The following ATP8A1 variants were observed in gnomAD, a reference collection of about 807,000 sequenced individuals.
ATP8A1 encodes ATPase phospholipid transporting 8A1.
A neutral mutation model predicts 177.7 loss-of-function variants in ATP8A1; 90 were observed. That is an observed-to-expected ratio of 0.51 (90% CI 0.43 to 0.60). The LOEUF is 0.60. Among genes scored for constraint, ATP8A1 ranks in the 20% least tolerant of loss-of-function variants. The pLI, the probability that ATP8A1 is intolerant of heterozygous loss-of-function variation, is 0.00. For missense variants in ATP8A1, 1,072 were observed against 1,392.8 expected, an observed-to-expected ratio of 0.77 and a Z score of 3.67; for synonymous variants, 493 against 485.9, an observed-to-expected ratio of 1.01 and a Z score of -0.19.
intron 6 of ATP8A1, among the ~76,000 whole-genome samples, chr4:42,599,018 T>C (rs550329765): frequency 6.6e-6 from 1 of 152,264 alleles, no homozygotes; most frequent in Non-Finnish European, 1.5e-5. Flanking sequence ...TTATGGGTAA[T>C]CCTGGCTGGT....
chr4:42,517,346 A>C (rs1007809890), intron 22 of ATP8A1, among the ~76,000 whole-genome samples: 4 of 152,142 alleles, frequency 2.6e-5, no homozygotes, highest in African/African-American at 9.7e-5. Context: ...TGACACTATA[A>C]GTGGTTTCCC....
At position 42,412,914 on chromosome 4, in the gene ATP8A1, C is replaced by A. The variant is rs764016470; in HGVS notation, c.*2G>T. 6.2e-7 allele frequency: 1 copy of A among 1,612,896 alleles called. No homozygotes were observed. Among genetic ancestry groups the A allele is most frequent in the East Asian group, 2.2e-5 (1 of 44,872 alleles). On this transcript the variant is annotated 3_prime_UTR_variant, in exon 37 of 37. Transcript: ENST00000381668. ...CAGAGCCTGCCTTTCAGGCTCTCCC[C>A]ATCACCATTCGTCGGGCCTCTGTTT...
chr4:42,535,170 G>A (rs1035291919), intron 20 of ATP8A1, among the ~76,000 whole-genome samples: 2 of 151,988 alleles, frequency 1.3e-5, no homozygotes, highest in East Asian at 3.9e-4. Flanking sequence ...TACTAACATT[G>A]AATGTAAATG....
At chr4:42,586,280 C>A (rs1733605396) in intron 9 of ATP8A1, 69 bp downstream of exon 9, 1 of 1,551,646 alleles carries the variant, frequency 6.4e-7, no homozygotes, top group Non-Finnish European at 8.8e-7. Flanking sequence ...TGTATCCAGA[C>A]TTAGAAGACA....
At chr4:42,524,418 T>C (rs1194755020) in intron 21 of ATP8A1, among the ~76,000 whole-genome samples, 1 of 147,316 alleles carries the variant, frequency 6.8e-6, no homozygotes, top group Non-Finnish European at 1.5e-5. Flanking sequence ...GATTAGAATA[T>C]CTGTTTTTTT....
At chr4:42,433,775 G>T (rs1252934616) in intron 33 of ATP8A1, among the ~76,000 whole-genome samples, 1 of 151,802 alleles carries the variant, frequency 6.6e-6, no homozygotes, top group Non-Finnish European at 1.5e-5. Flanking sequence ...ATCATCTCGT[G>T]GGGGCTAAGA....
intron 11 of ATP8A1, among the ~76,000 whole-genome samples, chr4:42,579,017 TA>T (rs1297537958): frequency 2.0e-5 from 3 of 151,870 alleles, no homozygotes; most frequent in Non-Finnish European, 2.9e-5. Context: ...ATCAATATAA[TA>T]AAAAAAATTT....
chr4:42,605,726 T>C (rs1735733046), intron 5 of ATP8A1, among the ~76,000 whole-genome samples: 1 of 152,224 alleles, frequency 6.6e-6, no homozygotes, highest in South Asian at 2.1e-4. Flanking sequence ...AACCGACCTT[T>C]TGCGAATCTT....
chr4:42,643,634 C>T (rs1205098510), intron 1 of ATP8A1, among the ~76,000 whole-genome samples: 1 of 152,172 alleles, frequency 6.6e-6, no homozygotes, highest in Non-Finnish European at 1.5e-5. Flanking sequence ...TGTTTCAACC[C>T]TTACCCCCAA....
chr4:42,435,453 A>AC lies in ATP8A1; in HGVS notation c.3123+8111_3123+8112insG, dbSNP rs1560320510. On this transcript the variant is annotated intron_variant, in intron 33 of 36. Transcript: ENST00000381668. ...AAAAAAAAAAAAAAAAAAAAAACAA[A>AC]AAAAAAAAAACAAACTATCTCCAGT... Among the ~76,000 whole-genome samples the AC allele has an allele frequency of 8.9e-4, 88 of 99,304 alleles. 1 individual carries two copies. The highest frequency in any genetic ancestry group is 2.6e-3 in the African/African-American group (77 of 30,190). The allele number at this position is 99,304 out of a possible 152,430, so 65.1% of individuals were successfully genotyped here.
chr4:42,576,561 T>C (rs887600388), intron 12 of ATP8A1, among the ~76,000 whole-genome samples: 1 of 150,550 alleles, frequency 6.6e-6, no homozygotes, highest in African/African-American at 2.4e-5. Context: ...TCATGAGACT[T>C]GACTATATTA....
intron 19 of ATP8A1, among the ~76,000 whole-genome samples, chr4:42,548,658 C>T (rs908908179): frequency 6.6e-6 from 1 of 152,158 alleles, no homozygotes; most frequent in African/African-American, 2.4e-5. Flanking sequence ...TTCAACATAA[C>T]TGTGTGTTCA....
chr4:42,603,278 A>G (rs1735482519), intron 5 of ATP8A1, among the ~76,000 whole-genome samples: 1 of 152,076 alleles, frequency 6.6e-6, no homozygotes, highest in Admixed American at 6.5e-5. Context: ...GTTTTCTGTG[A>G]ATGGGTCTTT....
chr4:42,548,586 C>T (rs1319680639), intron 19 of ATP8A1, among the ~76,000 whole-genome samples: 5 of 152,106 alleles, frequency 3.3e-5, no homozygotes, highest in African/African-American at 9.7e-5. Flanking sequence ...TTTTGAAATA[C>T]ACAACACATT....
intron 22 of ATP8A1, among the ~76,000 whole-genome samples, chr4:42,519,269 A>G (rs1725872729): frequency 6.6e-6 from 1 of 151,970 alleles, no homozygotes; most frequent in Admixed American, 6.6e-5. Flanking sequence ...TTTAAAAATT[A>G]TTTACAGAGA....
chr4:42,637,281 T>G (rs1191642971), intron 1 of ATP8A1: 1 of 501,872 alleles, frequency 2.0e-6, no homozygotes, highest in Admixed American at 2.0e-5. Context: ...TCTTCTGATG[T>G]TAACAGCTGC....
rs778022629 is a variant in ATP8A1, at chr4:42,448,396, C to CTTTACTTTTTTTTTTTTTTT, written c.2897-1753_2897-1752insAAAAAAAAAAAAAAAGTAAA. Among the ~76,000 whole-genome samples the CTTTACTTTTTTTTTTTTTTT allele has an allele frequency of 7.1e-3, 593 of 83,874 alleles. 85 individuals carry two copies. Among genetic ancestry groups the CTTTACTTTTTTTTTTTTTTT allele is most frequent in the East Asian group, 8.2e-3 (17 of 2,078 alleles). The allele number at this position is 83,874 out of a possible 152,430, so 55.0% of individuals were successfully genotyped here. On this transcript the variant is annotated intron_variant, in intron 30 of 36. Transcript: ENST00000381668. The stretch of plus-strand genomic sequence containing the variant: ...GTAGCCTCCCTCCCTCCTTCTCTTT[C>CTTTACTTTTTTTTTTTTTTT]TTTTCTTTTTTTTTTTTTTGAGATG...
Position 42,548,632 on chromosome 4 carries a change from C to T in ATP8A1, c.1652+381G>A, listed in dbSNP as rs375957833. Among the ~76,000 whole-genome samples, 26 of 152,278 alleles carry T rather than the reference C, an allele frequency of 1.7e-4. No homozygotes were observed. In the East Asian group the frequency reaches 5.0e-3, roughly 29 times the overall value. ...ATAGTTACCCTACTTTATTATCAAACATCAGAATTTACTTCTTCAACATAA... is the reference window on the plus strand; with the variant it reads ...ATAGTTACCCTACTTTATTATCAAATATCAGAATTTACTTCTTCAACATAA... On this transcript the variant is annotated intron_variant, in intron 19 of 36. Coordinates refer to ENST00000381668, the MANE Select transcript of ATP8A1 (RefSeq NM_006095.2).
chr4:42,638,561 G>C (rs945430068), intron 1 of ATP8A1, among the ~76,000 whole-genome samples: 1 of 152,086 alleles, frequency 6.6e-6, no homozygotes, highest in Non-Finnish European at 1.5e-5. Context: ...AGTCATCTTC[G>C]GCATGCTGAA....
Sources: allele counts gnomAD v4.1 joint callset (sites outside exome capture counted in the v4.1 genomes callset), GRCh38; gene constraint gnomAD v4.1.1; transcripts MANE v1.5; gene names NCBI Gene and HGNC (gene_info 2026-07-23, HGNC 2026-07-21).